Variants in DUSP3 observed in about 807,000 individuals in gnomAD.
DUSP3 encodes the protein dual specificity protein phosphatase 3.
Under a neutral mutation model 15.5 loss-of-function variants are expected in DUSP3, and 7 were observed. The ratio of observed to expected loss-of-function variants is 0.45; its 90% CI spans 0.26 to 0.85. The LOEUF (loss-of-function observed/expected upper bound fraction) is 0.85. Ranked by LOEUF, DUSP3 falls within the 40% of genes least tolerant of loss-of-function variation. The pLI is 0.18. For missense variants in DUSP3, 209 were observed against 251.7 expected (o/e 0.83, Z 1.15); for synonymous variants, 86 against 104.2 (o/e 0.83, Z 1.07).
rs751775913 is a variant in DUSP3, at chr17:43,769,569, C to G, written c.*40G>C. ...AGCTCGGGACACCTTTGCCCACGGC[C>G]TCCCCCACGGACCTCTCGAGCAGAG... is the stretch of plus-strand genomic sequence containing the variant. On this transcript the variant is annotated 3_prime_UTR_variant, in exon 3 of 3. Coordinates refer to ENST00000226004, the MANE Select transcript of DUSP3 (RefSeq NM_004090.4). 13 of 1,606,950 alleles carry G rather than the reference C, an allele frequency of 8.1e-6. No homozygotes were observed. In the Admixed American group the frequency reaches 2.2e-4, roughly 27 times the overall value.
rs1283510923 is a variant in DUSP3, at chr17:43,769,588, A to G, written c.*21T>C. Reference sequence around the variant, plus strand: ...CACGGCCTCCCCCACGGACCTCTCGAGCAGAGGTGGTGGGGGTGCCCTAGG... The same window carrying G: ...CACGGCCTCCCCCACGGACCTCTCGGGCAGAGGTGGTGGGGGTGCCCTAGG... On this transcript the variant is annotated 3_prime_UTR_variant, in exon 3 of 3. Transcript: ENST00000226004. 1 of 1,610,128 alleles carries G rather than the reference A, an allele frequency of 6.2e-7. No homozygotes were observed. Among genetic ancestry groups the G allele is most frequent in the Middle Eastern group, 2.3e-4 (1 of 4,442 alleles).
chr17:43,766,186 C>A lies in DUSP3; in HGVS notation c.*3423G>T, dbSNP rs898331298. 6.6e-6 allele frequency: 1 copy of A among 152,592 alleles called. No homozygotes were observed. The highest frequency in any genetic ancestry group is 2.4e-5 in the African/African-American group (1 of 41,444). 9.5% of individuals were successfully genotyped at this position (152,592 alleles called of 1,614,324 possible). On this transcript the variant is annotated 3_prime_UTR_variant, in exon 3 of 3. Transcript: ENST00000226004. ...GGTGTTTTAACACTGATTTGTGATACAACGGACATTAAACTTCCTTTTAAA... is the reference window on the plus strand; with the variant it reads ...GGTGTTTTAACACTGATTTGTGATAAAACGGACATTAAACTTCCTTTTAAA...
intron 1 of DUSP3, among the ~76,000 whole-genome samples, chr17:43,777,032 G>A (rs969811224): frequency 1.3e-5 from 2 of 152,070 alleles, no homozygotes; most frequent in African/African-American, 2.4e-5. Context: ...GAGTGCAACG[G>A]TACGATCTTG....
rs1701449070 is a variant in DUSP3, at chr17:43,769,326, C to T, written c.*283G>A. 4.8e-6 allele frequency: 2 copies of T among 418,830 alleles called. No individual in the cohort carries two copies. Among genetic ancestry groups the T allele is most frequent in the Admixed American group, 4.2e-5 (1 of 23,590 alleles). 25.9% of individuals were successfully genotyped at this position (418,830 alleles called of 1,614,324 possible). On this transcript the variant is annotated 3_prime_UTR_variant, in exon 3 of 3. Transcript: ENST00000226004. ...CTGCCGTGGGCCATCGGGAAGCATGCAGGCCACAGGCCTTCCCCCTCTGAG... is the reference window on the plus strand; with the variant it reads ...CTGCCGTGGGCCATCGGGAAGCATGTAGGCCACAGGCCTTCCCCCTCTGAG...
chr17:43,776,784 G>A (rs560910430), intron 1 of DUSP3, among the ~76,000 whole-genome samples: 17 of 152,324 alleles, frequency 1.1e-4, no homozygotes, highest in African/African-American at 3.8e-4. Flanking sequence ...CGGGATTCCT[G>A]AGGCTAACAA....
intron 2 of DUSP3, 52 bp downstream of exon 2, chr17:43,774,660 G>A (rs1974364762): frequency 5.0e-6 from 8 of 1,592,532 alleles, no homozygotes; most frequent in South Asian, 1.1e-5. Flanking sequence ...TTTCCAGAGG[G>A]ACAGTCCAGT....
intron 2 of DUSP3, chr17:43,773,930 T>C (rs1427756980): frequency 6.0e-6 from 1 of 166,204 alleles, no homozygotes; most frequent in Admixed American, 6.3e-5. Context: ...TGAAACCCCA[T>C]CTCTACTAAA....
rs775328770 is a variant in DUSP3, at chr17:43,774,722, A to G, written c.342T>C (p.Ala114=). Residue 114 remains alanine, a synonymous_variant, in exon 2 of 3, where the codon GCT becomes GCC. Transcript: ENST00000226004. The stretch of plus-strand genomic sequence containing the variant: ...TGGGAGGTCCCTTACCATTCTTTTG[A>G]GCCAAAGCCTGGTCAATGAAGTCGG... The part of the protein sequence containing the change: ...RAADFIDQAL[A]QKNGRVLVHC... 4 of 1,614,136 alleles carry G rather than the reference A, an allele frequency of 2.5e-6. No homozygotes were observed. The highest frequency in any genetic ancestry group is 2.5e-6 in the Non-Finnish European group (3 of 1,180,026).
intron 2 of DUSP3, among the ~76,000 whole-genome samples, chr17:43,773,383 G>C (rs1974342223): frequency 6.6e-6 from 1 of 152,186 alleles, no homozygotes; most frequent in Non-Finnish European, 1.5e-5. Flanking sequence ...AAGGGCAAGT[G>C]GCCCAGCCTG....
At chr17:43,773,685 G>A (rs1974346296) in intron 2 of DUSP3, among the ~76,000 whole-genome samples, 1 of 152,178 alleles carries the variant, frequency 6.6e-6, no homozygotes, top group African/African-American at 2.4e-5. Context: ...GAGAGAGACT[G>A]GGCATGGTGG....
Position 43,767,453 on chromosome 17 carries a change from C to T in DUSP3, c.*2156G>A, listed in dbSNP as rs1169995070. ...CCTGGAGATCCCAGGGAGCCCCCTT[C>T]TTGAGAAAGAGTATCGTATGAAAGA... On this transcript the variant is annotated 3_prime_UTR_variant, in exon 3 of 3. Transcript: ENST00000226004. The T allele has an allele frequency of 6.6e-6, 1 of 152,648 alleles. No homozygotes were observed. The highest frequency in any genetic ancestry group is 6.5e-5 in the Admixed American group (1 of 15,284). The allele number at this position is 152,648 out of a possible 1,614,324, so 9.5% of individuals were successfully genotyped here. A position where few individuals can be genotyped will look rare whatever the true frequency, so the allele number is the denominator to read the frequency against.
chr17:43,772,206 A>G (rs144483128), intron 2 of DUSP3, among the ~76,000 whole-genome samples: 20 of 152,230 alleles, frequency 1.3e-4, no homozygotes, highest in African/African-American at 4.3e-4. Flanking sequence ...TTCTGCTCCT[A>G]TCACCCTACC....
intron 2 of DUSP3, among the ~76,000 whole-genome samples, chr17:43,771,576 T>C (rs1974320769): frequency 6.6e-6 from 1 of 152,164 alleles, no homozygotes; most frequent in Non-Finnish European, 1.5e-5. Context: ...CTGGCATCCA[T>C]GTGCACTCAA....
In DUSP3 at chr17:43,768,071, T is replaced by C. The variant is rs1974263137; in HGVS notation, c.*1538A>G. The C allele has an allele frequency of 1.3e-5, 2 of 152,194 alleles. No individual in the cohort carries two copies. The highest frequency in any genetic ancestry group is 4.1e-4 in the South Asian group (2 of 4,832). The allele number at this position is 152,194 out of a possible 1,614,324, so 9.4% of individuals were successfully genotyped here. A position where few individuals can be genotyped will look rare whatever the true frequency, so the allele number is the denominator to read the frequency against. ...AGACTCCTTCACAAGGCCTTGCGAG[T>C]GATCCTACCATGAATTCAGTCTTCT... On this transcript the variant is annotated 3_prime_UTR_variant, in exon 3 of 3. Coordinates refer to ENST00000226004, the MANE Select transcript of DUSP3 (RefSeq NM_004090.4).
At position 43,775,497 on chromosome 17, in the gene DUSP3, G is replaced by A. The variant is rs181243612; in HGVS notation, c.126-559C>T. 5.3e-5 allele frequency among the ~76,000 whole-genome samples: 8 copies of A among 152,280 alleles called. No individual in the cohort carries two copies. The East Asian group carries it at 9.7e-4, about 18-fold the overall frequency. ...CTATTCCATTGACAGAGCTGGACACGGTAGTGAGCACTATGATTCTAATGC... is the reference window on the plus strand; with the variant it reads ...CTATTCCATTGACAGAGCTGGACACAGTAGTGAGCACTATGATTCTAATGC... On this transcript the variant is annotated intron_variant, in intron 1 of 2. Transcript: ENST00000226004.
At chr17:43,771,332 A>G (rs1256763664) in intron 2 of DUSP3, among the ~76,000 whole-genome samples, 1 of 152,036 alleles carries the variant, frequency 6.6e-6, no homozygotes, top group African/African-American at 2.4e-5. Flanking sequence ...TGTTTTTAAT[A>G]TTTTTCAGAC....
intron 2 of DUSP3, among the ~76,000 whole-genome samples, chr17:43,770,320 A>C (rs1974298398): frequency 6.6e-6 from 1 of 152,188 alleles, no homozygotes; most frequent in Non-Finnish European, 1.5e-5. Flanking sequence ...GAGGTGGATG[A>C]GCCCACAGAG....
Position 43,767,257 on chromosome 17 carries a change from TG to T in DUSP3, c.*2351del, listed in dbSNP as rs1370830615. On this transcript the variant is annotated 3_prime_UTR_variant, in exon 3 of 3. Coordinates refer to ENST00000226004, the MANE Select transcript of DUSP3 (RefSeq NM_004090.4). Reference sequence around the variant, plus strand: ...CCATGGGGTGACCACTGCCTGGTCATGGGAGGGGAGCCCCAGCCCCAGCTCC... The same window carrying T: ...CCATGGGGTGACCACTGCCTGGTCATGGAGGGGAGCCCCAGCCCCAGCTCC... The T allele has an allele frequency of 1.3e-5, 2 of 152,658 alleles. No homozygotes were observed. The highest frequency in any genetic ancestry group is 4.8e-5 in the African/African-American group (2 of 41,442). The allele number at this position is 152,658 out of a possible 1,614,324, so 9.5% of individuals were successfully genotyped here.
intron 1 of DUSP3, 34 bp downstream of exon 1, chr17:43,778,766 G>A (rs1437012245): frequency 6.7e-5 from 100 of 1,499,566 alleles, no homozygotes; most frequent in Non-Finnish European, 8.0e-5. Flanking sequence ...GTCCCGAGAG[G>A]GACGGCGGGG....
Sources: allele counts gnomAD v4.1 joint callset (sites outside exome capture counted in the v4.1 genomes callset), GRCh38; gene constraint gnomAD v4.1.1; transcripts MANE v1.5; gene names NCBI Gene and HGNC (gene_info 2026-07-23, HGNC 2026-07-21).